The following TLE7 variants were observed in gnomAD, a reference collection of about 807,000 sequenced individuals.
TLE7 encodes the protein transducin-like enhancer protein 7.
intron 1 of TLE7, 98 bp from the exon 2 acceptor site, chr16:71,433,518 A>C: frequency 2.5e-6 from 1 of 393,554 alleles, no homozygotes. Context: ...AAAGATTCAA[A>C]AGAGTGGTTG....
intron 1 of TLE7, among the ~76,000 whole-genome samples, chr16:71,440,995 T>A (rs1389659274): frequency 1.3e-5 from 2 of 152,176 alleles, no homozygotes; most frequent in East Asian, 3.9e-4. Context: ...GTCTCCCGCA[T>A]CGTACATTGC....
In TLE7 at chr16:71,441,782, C is replaced by T. The variant is rs572448476; in HGVS notation, c.-97+187G>A. Among the ~76,000 whole-genome samples, 304 of 152,336 alleles carry T rather than the reference C, an allele frequency of 2.0e-3. 3 individuals are homozygous for T. The highest frequency in any genetic ancestry group is 6.9e-3 in the African/African-American group (289 of 41,586). ...GCCCAGGGTCAGAAGCGCTGGCCCA[C>T]GGCCGACGCATAGGCAGACAGGCCC... On this transcript the variant is annotated intron_variant, in intron 1 of 9. Coordinates refer to ENST00000561754, the MANE Select transcript of TLE7 (RefSeq NM_001367365.2).
rs888135766 is a variant in TLE7, at chr16:71,431,626, G to A, written c.852-64C>T. The A allele has an allele frequency of 7.5e-6, 3 of 400,404 alleles. No individual in the cohort carries two copies. Among genetic ancestry groups the A allele is most frequent in the Non-Finnish European group, 1.3e-5 (3 of 226,266 alleles). The allele number at this position is 400,404 out of a possible 1,614,324, so 24.8% of individuals were successfully genotyped here. ...GTTTGGGCCCCCGGGAAGTTTCAGG[G>A]TCAGGAAGCCCCTAGGAGTACCCCA... On this transcript the variant is annotated intron_variant, in intron 6 of 9. Coordinates refer to ENST00000561754, the MANE Select transcript of TLE7 (RefSeq NM_001367365.2). This position sits in a 1 kb window ranked among gnomAD's most constrained non-coding sequence, Gnocchi z 4.5.
rs2042805373 is a variant in TLE7 at position 71,431,841 on chromosome 16, G to C, written c.771C>G (p.Val257=). The change falls in exon 6 of 10, where the codon GTC becomes GTG. Residue 257 remains valine (V), a synonymous_variant. Coordinates refer to ENST00000561754, the MANE Select transcript of TLE7 (RefSeq NM_001367365.2). This position sits in a 1 kb window ranked among gnomAD's most constrained non-coding sequence, Gnocchi z 4.5. ...CCAAACAGATATGGGCATCAGAGGAGACAGCCAGAGAATAGCACGTGGGGC... is the reference window on the plus strand; with the variant it reads ...CCAAACAGATATGGGCATCAGAGGACACAGCCAGAGAATAGCACGTGGGGC... The part of the protein sequence containing the change: ...STGPTCYSLA[V]SSDAHICLAC... 5.0e-6 allele frequency: 2 copies of C among 400,678 alleles called. No homozygotes were observed. Among genetic ancestry groups the C allele is most frequent in the Non-Finnish European group, 8.8e-6 (2 of 226,306 alleles). 24.8% of individuals were successfully genotyped at this position (400,678 alleles called of 1,614,324 possible).
rs2042814070 is a variant in TLE7 at position 71,433,167 on chromosome 16, G to A, written c.158C>T (p.Pro53Leu). The change falls in exon 2 of 10, where the codon CCC becomes CTC. Residue 53 changes from proline to leucine, a missense_variant. Physicochemically the swap from Pro to Leu is moderately conservative, Grantham distance 98. Transcript: ENST00000561754. ...LGSLLGVPWQPPGPPIQHSPA... is the reference protein window; with the variant it reads ...LGSLLGVPWQLPGPPIQHSPA... ...GCTGTGCTGTATTGGGGGGCCCGGG[G>A]GCTGCCAGGGCACTCCCAACAGACT... 2 of 398,590 alleles carry A rather than the reference G, an allele frequency of 5.0e-6. No individual in the cohort carries two copies. The highest frequency in any genetic ancestry group is 8.8e-6 in the Non-Finnish European group (2 of 226,142). 24.7% of individuals were successfully genotyped at this position (398,590 alleles called of 1,614,324 possible).
At chr16:71,435,760 C>G (rs1260257841) in intron 1 of TLE7, among the ~76,000 whole-genome samples, 1 of 152,188 alleles carries the variant, frequency 6.6e-6, no homozygotes, top group Admixed American at 6.5e-5. Flanking sequence ...AAATGTTGAT[C>G]CTCCTGATTC....
rs922756317 is a variant in TLE7, at chr16:71,430,722, C to T, written c.1167G>A (p.Ala389=). 5.0e-6 allele frequency: 2 copies of T among 398,598 alleles called. No individual in the cohort carries two copies. The highest frequency in any genetic ancestry group is 3.6e-5 in the East Asian group (1 of 28,074). 24.7% of individuals were successfully genotyped at this position (398,598 alleles called of 1,614,324 possible). A position where few individuals can be genotyped will look rare whatever the true frequency, so the allele number is the denominator to read the frequency against. ...CCAAGCCACTGAGGCGCGTATCTAT[C>T]GCGGTCACAAAATAGCTCCCTGGTG... ...FASCGSYFVT[A]IDTRLSGLEA... is the part of the protein sequence containing the mutation. Residue 389 remains alanine, a synonymous_variant, in exon 9 of 10, where the codon GCG becomes GCA. Transcript: ENST00000561754.
chr16:71,441,425 T>C (rs1270802190), intron 1 of TLE7, among the ~76,000 whole-genome samples: 1 of 152,230 alleles, frequency 6.6e-6, no homozygotes, highest in Non-Finnish European at 1.5e-5. Flanking sequence ...GGTTCTGGCC[T>C]GCAGGGCGCG....
intron 4 of TLE7, 62 bp downstream of exon 4, chr16:71,432,603 T>C (rs77223082): frequency 0.01 from 3,994 of 398,686 alleles, 109 homozygotes; most frequent in African/African-American, 0.073. Context: ...TGTGGACACA[T>C]GGTTTCTTGA....
At position 71,431,754 on chromosome 16, in the gene TLE7, G is replaced by C. The variant is rs1235566934; in HGVS notation, c.851+7C>G. 2 of 400,636 alleles carry C rather than the reference G, an allele frequency of 5.0e-6. No homozygotes were observed. The highest frequency in any genetic ancestry group is 8.8e-5 in the Admixed American group (2 of 22,716). The allele number at this position is 400,636 out of a possible 1,614,324, so 24.8% of individuals were successfully genotyped here. The stretch of plus-strand genomic sequence containing the variant: ...TACACCTGAGTGGCTCTGGAGAGAG[G>C]TCATACCTGATCAAGATTTGGTTCT... On this transcript the variant is annotated splice_region_variant and intron_variant, in intron 6 of 9. Transcript: ENST00000561754. The surrounding 1 kb of genome is among the most constrained non-coding windows in gnomAD (Gnocchi z 4.5).
intron 4 of TLE7, 28 bp downstream of exon 4, chr16:71,432,637 G>A: frequency 2.5e-6 from 1 of 398,794 alleles, no homozygotes; most frequent in South Asian, 1.3e-4. Flanking sequence ...GGAAAGGAAG[G>A]ATCCTGAGTA....
rs2042796187 is a variant in TLE7, at chr16:71,430,211, A to G, written c.*51T>C. 2 of 398,508 alleles carry G rather than the reference A, an allele frequency of 5.0e-6. No homozygotes were observed. The highest frequency in any genetic ancestry group is 4.1e-5 in the African/African-American group (2 of 48,630). The allele number at this position is 398,508 out of a possible 1,614,324, so 24.7% of individuals were successfully genotyped here. ...GCACTCTGAAGCCATCCTCACAGCC[A>G]CACCAGCCCAAAGACTGGGTCTTCA... On this transcript the variant is annotated 3_prime_UTR_variant, in exon 10 of 10. Transcript: ENST00000561754.
chr16:71,440,434 G>A (rs995309665), intron 1 of TLE7, among the ~76,000 whole-genome samples: 1 of 152,100 alleles, frequency 6.6e-6, no homozygotes, highest in Non-Finnish European at 1.5e-5. Flanking sequence ...ACCGAAATCG[G>A]GCGACTGCAC....
Position 71,432,338 on chromosome 16 carries a change from A to T in TLE7, c.394-13T>A. ...CTGGAATGGGGGGCTAGGCAAGGAG[A>T]GGGTGGGTAGCAGTGGCCCTGACCT... On this transcript the variant is annotated splice_polypyrimidine_tract_variant and intron_variant, in intron 4 of 9. Transcript: ENST00000561754. 2.5e-6 allele frequency: 1 copy of T among 400,388 alleles called. No individual in the cohort carries two copies. Among genetic ancestry groups the T allele is most frequent in the Non-Finnish European group, 4.4e-6 (1 of 226,240 alleles). The allele number at this position is 400,388 out of a possible 1,614,324, so 24.8% of individuals were successfully genotyped here.
chr16:71,438,562 T>C (rs1353490641), intron 1 of TLE7, among the ~76,000 whole-genome samples: 4 of 150,288 alleles, frequency 2.7e-5, no homozygotes. Context: ...GCGGCTGTAA[T>C]CCCAGCTATT....
In TLE7 at chr16:71,431,179, C is replaced by G; in HGVS notation, c.1089G>C (p.Gln363His). ...IVFLHTRRNE[Q>H]FKALMKKYTR... ...TGTATTTTTTCATGAGAGCCTTAAA[C>G]TGCTCATTCCGACGAGTGTGAAGGA... Residue 363 changes from glutamine (Q) to histidine (H), a missense_variant, in exon 8 of 10, where the codon CAG becomes CAC. Gln to His is a conservative substitution (Grantham distance 24). Coordinates refer to ENST00000561754, the MANE Select transcript of TLE7 (RefSeq NM_001367365.2). The surrounding 1 kb of genome is among the most constrained non-coding windows in gnomAD (Gnocchi z 4.5). The G allele has an allele frequency of 2.5e-6, 1 of 400,764 alleles. No individual in the cohort carries two copies. Among genetic ancestry groups the G allele is most frequent in the Non-Finnish European group, 4.4e-6 (1 of 226,248 alleles). 24.8% of individuals were successfully genotyped at this position (400,764 alleles called of 1,614,324 possible).
At position 71,431,674 on chromosome 16, in the gene TLE7, G is replaced by A. The variant is rs1005653954; in HGVS notation, c.851+87C>T. On this transcript the variant is annotated intron_variant, in intron 6 of 9. Coordinates refer to ENST00000561754, the MANE Select transcript of TLE7 (RefSeq NM_001367365.2). The surrounding 1 kb of genome is among the most constrained non-coding windows in gnomAD (Gnocchi z 4.5). The stretch of plus-strand genomic sequence containing the variant: ...CCAGATATATCTTCTACACTGACTC[G>A]CCCAGCCCTAATGCAAAGAGGGGAA... The A allele has an allele frequency of 2.5e-5, 10 of 400,280 alleles. No homozygotes were observed. Among genetic ancestry groups the A allele is most frequent in the African/African-American group, 1.2e-4 (6 of 48,762 alleles). The allele number at this position is 400,280 out of a possible 1,614,324, so 24.8% of individuals were successfully genotyped here.
Position 71,431,256 on chromosome 16 carries a change from C to T in TLE7, c.1012G>A (p.Asp338Asn), listed in dbSNP as rs1596984304. Reference sequence around the variant, plus strand: ...GCCAATACCCATTCTTCACCGGGGTCGTGGGTAATGCTGAGGATCTGTTCG... The same window carrying T: ...GCCAATACCCATTCTTCACCGGGGTTGTGGGTAATGCTGAGGATCTGTTCG... ...LQNEILSITH[D>N]PGEEWVLAGL... is the part of the protein sequence containing the mutation. The change falls in exon 8 of 10, where the codon GAC becomes AAC. Residue 338 changes from aspartate (D) to asparagine (N), a missense_variant. By Grantham distance (23) the Asp-to-Asn change is conservative. Coordinates refer to ENST00000561754, the MANE Select transcript of TLE7 (RefSeq NM_001367365.2). This position sits in a 1 kb window ranked among gnomAD's most constrained non-coding sequence, Gnocchi z 4.5. The T allele has an allele frequency of 3.3e-5, 13 of 399,986 alleles. No individual in the cohort carries two copies. In the East Asian group the frequency reaches 3.9e-4, roughly 12 times the overall value. 24.8% of individuals were successfully genotyped at this position (399,986 alleles called of 1,614,324 possible).
At position 71,431,953 on chromosome 16, in the gene TLE7, C is replaced by A; in HGVS notation, c.659G>T (p.Ser220Ile). The change falls in exon 6 of 10, where the codon AGC (serine) becomes ATC (isoleucine). Residue 220 changes from serine to isoleucine, a missense_variant. Ser to Ile is a moderately radical substitution (Grantham distance 142). Transcript: ENST00000561754. The surrounding 1 kb of genome is among the most constrained non-coding windows in gnomAD (Gnocchi z 4.5). Reference sequence around the variant, plus strand: ...CTGGGACGCACCCCCTGTGATCAGGCTCCGCTCATCAGGGAACAGCTTGCA... The same window carrying A: ...CTGGGACGCACCCCCTGTGATCAGGATCCGCTCATCAGGGAACAGCTTGCA... Reference protein sequence around the residue: ...VTCKLFPDERSLITGGASQAV... With the variant: ...VTCKLFPDERILITGGASQAV... The A allele has an allele frequency of 2.5e-6, 1 of 400,786 alleles. No individual in the cohort carries two copies. The allele number at this position is 400,786 out of a possible 1,614,324, so 24.8% of individuals were successfully genotyped here.
Sources: gnomAD v4.1 joint callset for allele counts (sites outside exome capture counted in the v4.1 genomes callset) on GRCh38, gnomAD v4.1.1 for gene constraint, Gnocchi (gnomAD v3.1) non-coding constraint, MANE v1.5 for transcripts, NCBI Gene and HGNC (gene_info 2026-07-23, HGNC 2026-07-21) for gene names.